The following CCDC149 variants were observed in gnomAD, a reference collection of about 807,000 sequenced individuals.
The protein encoded by CCDC149 is coiled-coil domain containing 149.
In CCDC149, 45 loss-of-function variants were observed where a neutral mutation model predicts 59.9. The ratio of observed to expected loss-of-function variants is 0.75; its 90% CI spans 0.59 to 0.96. The LOEUF (loss-of-function observed/expected upper bound fraction) is 0.96. Ranked by LOEUF, CCDC149 falls within the 40% of genes least tolerant of loss-of-function variation. The pLI is 0.00. For synonymous variants in CCDC149, 245 were observed against 260.6 expected (o/e 0.94, Z 0.58); for missense variants, 584 against 664.7 (o/e 0.88, Z 1.33).
chr4:24,880,062 C>T (rs1719746060), intron 1 of CCDC149, among the ~76,000 whole-genome samples: 1 of 152,188 alleles, frequency 6.6e-6, no homozygotes, highest in African/African-American at 2.4e-5. Flanking sequence ...ACATGGACTA[C>T]ATTTTACTGC....
chr4:24,896,023 G>T (rs1276537667), intron 1 of CCDC149, among the ~76,000 whole-genome samples: 1 of 152,252 alleles, frequency 6.6e-6, no homozygotes, highest in African/African-American at 2.4e-5. Flanking sequence ...CTCTTGTCTG[G>T]AAGTGAGCAT....
intron 8 of CCDC149, 50 bp from the exon 9 acceptor site, chr4:24,831,700 T>C: frequency 6.4e-7 from 1 of 1,554,526 alleles, no homozygotes; most frequent in Non-Finnish European, 8.8e-7. Context: ...TCTGAAACGC[T>C]GGAATGCAAA....
chr4:24,863,386 G>T (rs553525109), intron 3 of CCDC149, among the ~76,000 whole-genome samples: 2 of 152,220 alleles, frequency 1.3e-5, no homozygotes, highest in Non-Finnish European at 2.9e-5. Flanking sequence ...AAAGAGGTAG[G>T]CCACATGTTT....
intron 1 of CCDC149, among the ~76,000 whole-genome samples, chr4:24,959,933 T>C (rs1464046321): frequency 6.6e-6 from 1 of 152,186 alleles, no homozygotes; most frequent in African/African-American, 2.4e-5. Flanking sequence ...AGAAGGAAAA[T>C]GATACCGGAT....
At chr4:24,906,640 C>T (rs1000078016) in intron 1 of CCDC149, among the ~76,000 whole-genome samples, 13 of 152,030 alleles carry the variant, frequency 8.6e-5, no homozygotes, top group South Asian at 6.2e-4. Context: ...TCGGGTGATA[C>T]GCCTGCCTCA....
intron 10 of CCDC149, 26 bp from the exon 11 acceptor site, chr4:24,821,113 G>T (rs936484532): frequency 8.2e-7 from 1 of 1,223,760 alleles, no homozygotes. Context: ...AGAAAAAAAG[G>T]AAATAATTGT....
upstream of CCDC149, among the ~76,000 whole-genome samples, chr4:24,918,032 G>A (rs547670983): frequency 7.2e-5 from 11 of 151,762 alleles, no homozygotes; most frequent in African/African-American, 1.9e-4. Context: ...TGACCCTGTC[G>A]TTCTGGAAGC....
At chr4:24,938,067 T>A (rs1722834431) in intron 1 of CCDC149, among the ~76,000 whole-genome samples, 1 of 152,198 alleles carries the variant, frequency 6.6e-6, no homozygotes, top group Non-Finnish European at 1.5e-5. Context: ...TGAAATTTCT[T>A]CTCTGTTGAT....
intron 1 of CCDC149, among the ~76,000 whole-genome samples, chr4:24,881,175 A>G (rs1269725085): frequency 6.6e-6 from 1 of 152,202 alleles, no homozygotes; most frequent in Admixed American, 6.5e-5. Context: ...TGTAGCAGCA[A>G]TTTATCATAG....
At chr4:24,816,459 TA>T (rs1274791186) in intron 12 of CCDC149, among the ~76,000 whole-genome samples, 1 of 152,110 alleles carries the variant, frequency 6.6e-6, no homozygotes, top group African/African-American at 2.4e-5. Context: ...AAAAGGTTAC[TA>T]AAAATGTCAC....
At chr4:24,862,173 T>C (rs1356438420) in intron 3 of CCDC149, among the ~76,000 whole-genome samples, 1 of 152,138 alleles carries the variant, frequency 6.6e-6, no homozygotes. Context: ...GTGATAAACA[T>C]ATGCATAATG....
upstream of CCDC149, among the ~76,000 whole-genome samples, chr4:24,915,036 C>T (rs1722085305): frequency 6.6e-6 from 1 of 152,090 alleles, no homozygotes; most frequent in South Asian, 2.1e-4. Flanking sequence ...TAGAGAACAG[C>T]AGAAAAAAAG....
chr4:24,877,183 T>C (rs912843750), intron 1 of CCDC149, among the ~76,000 whole-genome samples: 1 of 151,816 alleles, frequency 6.6e-6, no homozygotes, highest in East Asian at 2.0e-4. Context: ...GTCTGTTTGT[T>C]TGTTTGTTTG....
intron 11 of CCDC149, 167 bp from the exon 12 acceptor site, chr4:24,820,142 C>A (rs1715296046): frequency 5.1e-6 from 3 of 588,626 alleles, no homozygotes; most frequent in Non-Finnish European, 9.1e-6. Context: ...CACTATTGCA[C>A]CACCCTAGCC....
At chr4:24,817,400 T>C (rs1029200725) in intron 12 of CCDC149, among the ~76,000 whole-genome samples, 19 of 152,168 alleles carry the variant, frequency 1.2e-4, no homozygotes, top group African/African-American at 3.6e-4. Context: ...TCAGGGTCTC[T>C]CTCTTGAAAT....
At chr4:24,833,693 C>T (rs751461579) in intron 8 of CCDC149, among the ~76,000 whole-genome samples, 1 of 152,170 alleles carries the variant, frequency 6.6e-6, no homozygotes, top group Non-Finnish European at 1.5e-5. Flanking sequence ...TATTTAACTA[C>T]TGCTGGACAT....
chr4:24,881,100 A>T (rs190568483), intron 1 of CCDC149, among the ~76,000 whole-genome samples: 4 of 152,322 alleles, frequency 2.6e-5, no homozygotes, highest in Non-Finnish European at 5.9e-5. Flanking sequence ...GTCTGTGGCC[A>T]GAGTATTTCC....
At chr4:24,935,356 T>A (rs189022007) in intron 1 of CCDC149, among the ~76,000 whole-genome samples, 3 of 152,280 alleles carry the variant, frequency 2.0e-5, no homozygotes, top group African/African-American at 7.2e-5. Flanking sequence ...AAAGTAAAGA[T>A]TTATATTTTA....
intron 3 of CCDC149, among the ~76,000 whole-genome samples, chr4:24,867,099 TCCTC>T (rs1163571587): frequency 6.6e-6 from 1 of 152,158 alleles, no homozygotes; most frequent in Non-Finnish European, 1.5e-5. Context: ...AATCTAAGCC[TCCTC>T]CATTAACCTG....
Sources: allele counts gnomAD v4.1 joint callset (sites outside exome capture counted in the v4.1 genomes callset), GRCh38; gene constraint gnomAD v4.1.1; transcripts MANE v1.5; gene names NCBI Gene and HGNC (gene_info 2026-07-23, HGNC 2026-07-21).